The following ABLIM1 variants were observed in gnomAD, a reference collection of about 807,000 sequenced individuals.
The protein encoded by ABLIM1 is actin binding LIM protein 1.
In ABLIM1, 40 loss-of-function variants were observed where a neutral mutation model predicts 107.0. The ratio of observed to expected loss-of-function variants is 0.37; its 90% CI spans 0.29 to 0.49. The LOEUF is 0.49. Among genes scored for constraint, ABLIM1 ranks in the 20% least tolerant of loss-of-function variants. The pLI is 0.97. For missense variants in ABLIM1, 857 were observed against 1,008.5 expected (o/e 0.85, Z 2.04); for synonymous variants, 357 against 357.3 (o/e 1.00, Z 0.01).
chr10:114,605,727 C>T (rs2076365345), intron 1 of ABLIM1, among the ~76,000 whole-genome samples: 1 of 152,164 alleles, frequency 6.6e-6, no homozygotes. Flanking sequence ...AAGAGTCTAC[C>T]TGCCTGAAAA....
upstream of ABLIM1, among the ~76,000 whole-genome samples, chr10:114,688,122 C>T (rs972438877): frequency 6.6e-6 from 1 of 152,132 alleles, no homozygotes; most frequent in African/African-American, 2.4e-5. Context: ...GTTCACCACA[C>T]ACTTAAACAG....
chr10:114,594,632 C>T (rs934606388), intron 2 of ABLIM1, among the ~76,000 whole-genome samples: 4 of 152,230 alleles, frequency 2.6e-5, no homozygotes, highest in African/African-American at 9.6e-5. Context: ...TGCCTGTAAT[C>T]CCAGCTATTA....
At chr10:114,769,172 GAAAAAAAAAAA>G (rs35691537), upstream of ABLIM1, among the ~76,000 whole-genome samples, 8 of 46,524 alleles carry the variant, frequency 1.7e-4, no homozygotes, top group East Asian at 8.9e-4. Flanking sequence ...TGTCTTCAAT[GAAAAAAAAAAA>G]AAAAAAAAAA....
intron 6 of ABLIM1, among the ~76,000 whole-genome samples, chr10:114,513,142 C>T (rs926528777): frequency 2.0e-5 from 3 of 152,226 alleles, no homozygotes; most frequent in South Asian, 4.2e-4. Context: ...ACTTTCTCAC[C>T]TAAAGTTACT....
chr10:114,684,586 CCTT>C (rs1404433163), exon 1 of ABLIM1: 9 of 1,323,852 alleles, frequency 6.8e-6, no homozygotes, highest in Non-Finnish European at 8.7e-6. Context: ...TTCTGCATCC[CCTT>C]CTTCTCTCGA....
chr10:114,601,967 A>G lies in ABLIM1; in HGVS notation c.245-6T>C. 6.2e-7 allele frequency: 1 copy of G among 1,613,728 alleles called. No homozygotes were observed. The highest frequency in any genetic ancestry group is 1.1e-5 in the South Asian group (1 of 91,072). ...AGGGTCCTGAGGGTGGGCCACTGAA[A>G]GAAAATCAACAAAAGATCCAGGTGA... On this transcript the variant is annotated splice_polypyrimidine_tract_variant and splice_region_variant and intron_variant, in intron 1 of 22. Coordinates refer to ENST00000533213, the MANE Select transcript of ABLIM1 (RefSeq NM_002313.7).
chr10:114,504,091 CA>C (rs921825766), intron 6 of ABLIM1, among the ~76,000 whole-genome samples: 4 of 152,108 alleles, frequency 2.6e-5, no homozygotes, highest in African/African-American at 7.2e-5. Context: ...ACTGAAAACA[CA>C]AAAAAATTGG....
chr10:114,634,103 T>C (rs532608232), intron 1 of ABLIM1, among the ~76,000 whole-genome samples: 2 of 148,178 alleles, frequency 1.3e-5, no homozygotes, highest in Admixed American at 6.7e-5. Flanking sequence ...GTTCCAGATA[T>C]CGTAAATGCC....
chr10:114,717,991 A>AAGGAAGGAAGG (rs2081718787), intron 1 of ABLIM1, among the ~76,000 whole-genome samples: 1 of 86,792 alleles, frequency 1.2e-5, no homozygotes, highest in African/African-American at 4.9e-5. Context: ...AGAAAGAAAG[A>AAGGAAGGAAGG]AAGGAAGGAA....
intron 1 of ABLIM1, among the ~76,000 whole-genome samples, chr10:114,745,099 C>G (rs2142337208): frequency 6.6e-6 from 1 of 152,252 alleles, no homozygotes; most frequent in Non-Finnish European, 1.5e-5. Flanking sequence ...TGTCAATCCC[C>G]CCTCCAAAAT....
At chr10:114,702,672 G>A (rs1302416930) in intron 1 of ABLIM1, among the ~76,000 whole-genome samples, 3 of 151,726 alleles carry the variant, frequency 2.0e-5, no homozygotes, top group African/African-American at 7.3e-5. Flanking sequence ...GACTACAGGC[G>A]CCCGCCACCA....
chr10:114,693,873 G>C (rs2081140883), intron 1 of ABLIM1, among the ~76,000 whole-genome samples: 1 of 148,908 alleles, frequency 6.7e-6, no homozygotes, highest in African/African-American at 2.5e-5. Flanking sequence ...GTGTTGCTCA[G>C]GCTGGTCTCG....
intron 4 of ABLIM1, among the ~76,000 whole-genome samples, chr10:114,566,086 C>T (rs984860442): frequency 1.3e-5 from 2 of 152,068 alleles, no homozygotes; most frequent in African/African-American, 2.4e-5. Context: ...TGAGCCACCG[C>T]GCCCGGTCGA....
In ABLIM1 at chr10:114,643,837, A is replaced by G. The variant is rs192883059; in HGVS notation, c.244+14120T>C. Among the ~76,000 whole-genome samples the G allele has an allele frequency of 3.9e-4, 60 of 152,176 alleles. 1 individual carries two copies. The highest frequency in any genetic ancestry group is 4.6e-4 in the Admixed American group (7 of 15,286). On this transcript the variant is annotated intron_variant, in intron 1 of 22. Transcript: ENST00000533213. ...GCAATCCTCCTGCTTCAGCCTCCCA[A>G]AGTGCTGGGATTACAGGTGCGAGTC...
chr10:114,475,716 T>C (rs2056262354), intron 8 of ABLIM1, among the ~76,000 whole-genome samples: 1 of 152,194 alleles, frequency 6.6e-6, no homozygotes, highest in Non-Finnish European at 1.5e-5. Context: ...CTTCATAGTA[T>C]ATACCTGAAG....
upstream of ABLIM1, among the ~76,000 whole-genome samples, chr10:114,658,998 C>G (rs1237133025): frequency 1.3e-5 from 2 of 152,182 alleles, no homozygotes; most frequent in African/African-American, 4.8e-5. Flanking sequence ...ATCATTTACT[C>G]TTTAACATCC....
At chr10:114,484,162 G>A (rs140560229) in intron 8 of ABLIM1, among the ~76,000 whole-genome samples, 147 of 152,246 alleles carry the variant, frequency 9.7e-4, no homozygotes, top group Non-Finnish European at 1.9e-3. Context: ...AAGGGCTCAC[G>A]GAAACATGGT....
intron 2 of ABLIM1, among the ~76,000 whole-genome samples, chr10:114,590,080 T>C (rs1023765290): frequency 6.6e-6 from 1 of 152,172 alleles, no homozygotes; most frequent in African/African-American, 2.4e-5. Context: ...CACAAATACT[T>C]ACCATTGGGT....
intron 1 of ABLIM1, among the ~76,000 whole-genome samples, chr10:114,681,744 G>A (rs1002332833): frequency 2.0e-5 from 3 of 152,182 alleles, no homozygotes; most frequent in Admixed American, 1.3e-4. Context: ...CACAAGCCTG[G>A]GGAGCCTATG....
Sources: allele counts gnomAD v4.1 joint callset (sites outside exome capture counted in the v4.1 genomes callset), GRCh38; gene constraint gnomAD v4.1.1; transcripts MANE v1.5; gene names NCBI Gene and HGNC (gene_info 2026-07-23, HGNC 2026-07-21).